Variants in NXPH1 observed in about 807,000 individuals in gnomAD.
NXPH1 encodes neurexophilin-1.
A neutral mutation model predicts 23.7 loss-of-function variants in NXPH1; 5 were observed. That is an observed-to-expected ratio of 0.21 (90% CI 0.11 to 0.44). NXPH1 has a LOEUF of 0.44. Ranked by LOEUF, NXPH1 falls within the 20% of genes least tolerant of loss-of-function variation. The pLI, the probability that NXPH1 is intolerant of heterozygous loss-of-function variation, is 0.99. For synonymous variants in NXPH1, 144 were observed against 122.2 expected, an observed-to-expected ratio of 1.18 and a Z score of -1.18; for missense variants, 324 against 321.6, an observed-to-expected ratio of 1.01 and a Z score of -0.06.
intron 2 of NXPH1, among the ~76,000 whole-genome samples, chr7:8,733,864 A>G (rs1482645766): frequency 6.6e-6 from 1 of 152,190 alleles, no homozygotes; most frequent in Non-Finnish European, 1.5e-5. Flanking sequence ...TTTGCTGTGC[A>G]GAAACTCTTT....
intron 2 of NXPH1, among the ~76,000 whole-genome samples, chr7:8,656,418 G>C (rs952038993): frequency 1.5e-4 from 23 of 151,004 alleles, no homozygotes; most frequent in African/African-American, 5.6e-4. Flanking sequence ...GCAAGGTGTT[G>C]TTATCCCCAT....
chr7:8,547,658 C>T (rs1370926135), intron 2 of NXPH1, among the ~76,000 whole-genome samples: 1 of 151,342 alleles, frequency 6.6e-6, no homozygotes, highest in Non-Finnish European at 1.5e-5. Flanking sequence ...GCCCCACTCT[C>T]CTGCCTTTTG....
chr7:8,634,559 A>C (rs969923247), intron 2 of NXPH1, among the ~76,000 whole-genome samples: 2 of 151,448 alleles, frequency 1.3e-5, no homozygotes, highest in Non-Finnish European at 2.9e-5. Context: ...TTTCAGGCCT[A>C]TGATATGGCC....
At chr7:8,489,513 C>T (rs2128610942) in intron 2 of NXPH1, among the ~76,000 whole-genome samples, 1 of 152,174 alleles carries the variant, frequency 6.6e-6, no homozygotes, top group East Asian at 1.9e-4. Flanking sequence ...CTGACTGGGG[C>T]TAATGGTTGA....
At chr7:8,682,409 G>A (rs1216636548) in intron 2 of NXPH1, among the ~76,000 whole-genome samples, 3 of 152,028 alleles carry the variant, frequency 2.0e-5, no homozygotes, top group Non-Finnish European at 1.5e-5. Flanking sequence ...ATATGCCTCT[G>A]GAAATTCTTT....
chr7:8,717,182 A>G (rs1437315521), intron 2 of NXPH1, among the ~76,000 whole-genome samples: 1 of 152,136 alleles, frequency 6.6e-6, no homozygotes, highest in African/African-American at 2.4e-5. Context: ...AACTTTGGAG[A>G]TGATGCATCC....
intron 2 of NXPH1, among the ~76,000 whole-genome samples, chr7:8,483,617 C>G (rs1242112364): frequency 6.6e-6 from 1 of 152,140 alleles, no homozygotes; most frequent in East Asian, 1.9e-4. Flanking sequence ...CTCAAAACCA[C>G]ATTTCTAGTG....
chr7:8,706,581 A>G (rs1779710663), intron 2 of NXPH1, among the ~76,000 whole-genome samples: 1 of 152,216 alleles, frequency 6.6e-6, no homozygotes, highest in Admixed American at 6.5e-5. Flanking sequence ...AACCATGTGG[A>G]ATAGAAGACC....
At chr7:8,466,293 C>T (rs1471290376) in intron 2 of NXPH1, among the ~76,000 whole-genome samples, 1 of 152,148 alleles carries the variant, frequency 6.6e-6, no homozygotes, top group Admixed American at 6.5e-5. Flanking sequence ...ATATTAAATA[C>T]AACGCTAGTC....
intron 2 of NXPH1, among the ~76,000 whole-genome samples, chr7:8,728,969 T>C: frequency 7.5e-6 from 1 of 134,076 alleles, no homozygotes; most frequent in East Asian, 2.1e-4. Context: ...CATCTGGTCC[T>C]GGACTCTTTT....
intron 2 of NXPH1, among the ~76,000 whole-genome samples, chr7:8,649,025 T>C (rs980671157): frequency 8.3e-5 from 6 of 72,694 alleles, no homozygotes; most frequent in African/African-American, 2.4e-4. Context: ...TACTCTCCAT[T>C]ACTTTTTTAG....
chr7:8,572,217 C>T (rs1379730070), intron 2 of NXPH1, among the ~76,000 whole-genome samples: 3 of 151,890 alleles, frequency 2.0e-5, no homozygotes, highest in African/African-American at 7.3e-5. Context: ...GATACTTCCT[C>T]CAATGCCCTA....
intron 2 of NXPH1, among the ~76,000 whole-genome samples, chr7:8,697,568 G>A (rs1251580025): frequency 6.6e-6 from 1 of 152,160 alleles, no homozygotes; most frequent in African/African-American, 2.4e-5. Flanking sequence ...GAACAACTTG[G>A]TGTGTCTCTT....
intron 2 of NXPH1, among the ~76,000 whole-genome samples, chr7:8,586,831 A>G (rs1182738562): frequency 1.3e-5 from 2 of 151,914 alleles, no homozygotes; most frequent in African/African-American, 2.4e-5. Context: ...AAGGTATTTC[A>G]ATTGATTTGA....
intron 2 of NXPH1, among the ~76,000 whole-genome samples, chr7:8,636,258 T>C (rs530778149): frequency 6.6e-6 from 1 of 152,336 alleles, no homozygotes; most frequent in East Asian, 1.9e-4. Flanking sequence ...TGTGTTTGTC[T>C]CTGTGTTCTT....
At chr7:8,513,609 T>C (rs926920567) in intron 2 of NXPH1, among the ~76,000 whole-genome samples, 1 of 152,074 alleles carries the variant, frequency 6.6e-6, no homozygotes, top group Non-Finnish European at 1.5e-5. Flanking sequence ...TTGTATACCT[T>C]TGAGTAGCTA....
chr7:8,717,911 T>TATATATAC (rs1465301244), intron 2 of NXPH1, among the ~76,000 whole-genome samples: 26 of 151,064 alleles, frequency 1.7e-4, no homozygotes, highest in African/African-American at 2.9e-4. Context: ...TATATATATA[T>TATATATAC]ACACAACATG....
At chr7:8,665,910 T>TGTTTG (rs1287696518) in intron 2 of NXPH1, among the ~76,000 whole-genome samples, 3 of 21,814 alleles carry the variant, frequency 1.4e-4, no homozygotes, top group African/African-American at 2.7e-4. Context: ...AGGTTTTTTT[T>TGTTTG]TCTTTTTCTT....
At chr7:8,622,220 C>G (rs191399317) in intron 2 of NXPH1, among the ~76,000 whole-genome samples, 2 of 152,274 alleles carry the variant, frequency 1.3e-5, no homozygotes, top group East Asian at 3.9e-4. Context: ...ATCACAACTT[C>G]TAGGGATTGA....
Sources: gnomAD v4.1 joint callset for allele counts (sites outside exome capture counted in the v4.1 genomes callset) on GRCh38, gnomAD v4.1.1 for gene constraint, MANE v1.5 for transcripts, NCBI Gene and HGNC (gene_info 2026-07-23, HGNC 2026-07-21) for gene names.